The following CENPP variants were observed in gnomAD, a reference collection of about 807,000 sequenced individuals.
CENPP encodes centromere protein P.
Under a neutral mutation model 35.6 loss-of-function variants are expected in CENPP, and 24 were observed. The observed-to-expected ratio is 0.67, with a 90% confidence interval of 0.49 to 0.95. CENPP has a LOEUF of 0.95. Ranked by LOEUF, CENPP falls within the 40% of genes least tolerant of loss-of-function variation. The pLI is 0.00. For synonymous variants in CENPP, 120 were observed against 125.5 expected, an observed-to-expected ratio of 0.96 and a Z score of 0.29; for missense variants, 332 against 345.3, an observed-to-expected ratio of 0.96 and a Z score of 0.31.
intron 5 of CENPP, among the ~76,000 whole-genome samples, chr9:92,389,046 C>T (rs1014133045): frequency 6.6e-6 from 1 of 151,872 alleles, no homozygotes; most frequent in African/African-American, 2.4e-5. Context: ...CAGAATTTAC[C>T]TGTGTGTGAT....
chr9:92,521,338 G>A (rs1848057611), intron 5 of CENPP, among the ~76,000 whole-genome samples: 1 of 151,776 alleles, frequency 6.6e-6, no homozygotes, highest in Non-Finnish European at 1.5e-5. Flanking sequence ...TAAAAAAATT[G>A]ACCTCATCTT....
chr9:92,390,656 C>T (rs1842640922), intron 5 of CENPP, among the ~76,000 whole-genome samples: 1 of 152,068 alleles, frequency 6.6e-6, no homozygotes, highest in African/African-American at 2.4e-5. Context: ...GTTTCTTATT[C>T]ACAGGAATCA....
At chr9:92,526,658 G>A (rs931242051) in intron 5 of CENPP, among the ~76,000 whole-genome samples, 3 of 151,180 alleles carry the variant, frequency 2.0e-5, no homozygotes, top group African/African-American at 7.3e-5. Flanking sequence ...AAATCAAGAA[G>A]CCTTTAGACA....
At chr9:92,564,954 A>G (rs879290827) in intron 5 of CENPP, among the ~76,000 whole-genome samples, 3 of 152,214 alleles carry the variant, frequency 2.0e-5, no homozygotes, top group Non-Finnish European at 2.9e-5. Flanking sequence ...ATGTACAAAA[A>G]TCTCTTACAT....
intron 5 of CENPP, among the ~76,000 whole-genome samples, chr9:92,535,639 A>G (rs1849122871): frequency 6.6e-6 from 1 of 151,936 alleles, no homozygotes; most frequent in Non-Finnish European, 1.5e-5. Context: ...TGAATTATTT[A>G]TGTTCTTTTA....
intron 5 of CENPP, among the ~76,000 whole-genome samples, chr9:92,569,273 G>A (rs531485117): frequency 6.6e-6 from 1 of 152,276 alleles, no homozygotes; most frequent in Admixed American, 6.5e-5. Context: ...TGTAAGGAAG[G>A]GATCCAGTTT....
chr9:92,452,226 G>C (rs1340288666), intron 5 of CENPP, among the ~76,000 whole-genome samples: 2 of 151,962 alleles, frequency 1.3e-5, no homozygotes, highest in Non-Finnish European at 2.9e-5. Flanking sequence ...TATGATATTG[G>C]CTGTGGGTCT....
intron 5 of CENPP, among the ~76,000 whole-genome samples, chr9:92,518,300 G>A (rs72754430): frequency 0.04 from 6,051 of 152,254 alleles, 184 homozygotes; most frequent in South Asian, 0.098. Flanking sequence ...CTGCGGTAGT[G>A]GAAATGTGAG....
chr9:92,414,862 T>G (rs1843541391), intron 5 of CENPP: 1 of 265,860 alleles, frequency 3.8e-6, no homozygotes, highest in Non-Finnish European at 7.1e-6. Context: ...TACACTCACT[T>G]TCTTTAACAT....
chr9:92,338,426 C>T (rs1841000773), intron 3 of CENPP, among the ~76,000 whole-genome samples: 1 of 152,128 alleles, frequency 6.6e-6, no homozygotes, highest in African/African-American at 2.4e-5. Context: ...TCTATAAAAT[C>T]GTGTAGTGTT....
intron 5 of CENPP, among the ~76,000 whole-genome samples, chr9:92,532,034 A>T (rs2398753): frequency 0.64 from 59,315 of 93,218 alleles, 18,799 homozygotes; most frequent in African/African-American, 0.83. Context: ...TTTTTATTTT[A>T]TTTTTTTTTT....
chr9:92,336,777 T>C (rs1484238033), intron 2 of CENPP, among the ~76,000 whole-genome samples: 1 of 152,128 alleles, frequency 6.6e-6, no homozygotes, highest in Non-Finnish European at 1.5e-5. Flanking sequence ...ATAAAAGAAA[T>C]ATTGAGCTGT....
intron 5 of CENPP, among the ~76,000 whole-genome samples, chr9:92,450,886 C>T (rs1055528917): frequency 5.3e-5 from 8 of 152,106 alleles, no homozygotes; most frequent in African/African-American, 1.9e-4. Flanking sequence ...TGGCTGCATA[C>T]ATGTCTTCTT....
chr9:92,564,401 T>A (rs965470036), intron 5 of CENPP, among the ~76,000 whole-genome samples: 27 of 150,684 alleles, frequency 1.8e-4, no homozygotes, highest in African/African-American at 4.9e-4. Context: ...AAAAAAAAAA[T>A]AAAATAAAGG....
intron 5 of CENPP, chr9:92,522,524 A>T: frequency 6.8e-7 from 1 of 1,474,710 alleles, no homozygotes; most frequent in East Asian, 2.4e-5. Flanking sequence ...TCCCCATACC[A>T]TCTCTCACCC....
intron 5 of CENPP, among the ~76,000 whole-genome samples, chr9:92,490,059 C>T (rs1423300689): frequency 6.6e-6 from 1 of 152,250 alleles, no homozygotes; most frequent in Admixed American, 6.5e-5. Context: ...TAAGTAACTT[C>T]CTGCTCACCA....
chr9:92,596,208 A>C lies in CENPP; in HGVS notation c.565-15106A>C, dbSNP rs7847918. Among the ~76,000 whole-genome samples, 623 of 152,214 alleles carry C rather than the reference A, an allele frequency of 4.1e-3. 8 individuals are homozygous for C. The highest frequency in any genetic ancestry group is 0.014 in the African/African-American group (583 of 41,550). ...GAATGCAGTGGTGTGATTCTAGCTC[A>C]CTGTAGCCCAGAATTCCTCGGTTCA... is the stretch of plus-strand genomic sequence containing the variant. On this transcript the variant is annotated intron_variant, in intron 5 of 7. Coordinates refer to ENST00000375587, the MANE Select transcript of CENPP (RefSeq NM_001012267.3).
chr9:92,494,237 C>T (rs331380), intron 5 of CENPP: 670,963 of 1,354,886 alleles, frequency 0.5, 174,325 homozygotes, highest in East Asian at 0.76. Flanking sequence ...TGCTGACTCA[C>T]CTTATTCAGT....
chr9:92,455,734 T>G (rs1377124621), intron 5 of CENPP, among the ~76,000 whole-genome samples: 1 of 152,256 alleles, frequency 6.6e-6, no homozygotes, highest in Admixed American at 6.5e-5. Context: ...ACATGGTGTA[T>G]TGTTATTATT....
Sources: gnomAD v4.1 joint callset for allele counts (sites outside exome capture counted in the v4.1 genomes callset) on GRCh38, gnomAD v4.1.1 for gene constraint, MANE v1.5 for transcripts, NCBI Gene and HGNC (gene_info 2026-07-23, HGNC 2026-07-21) for gene names.